CPXM2: variants seen among roughly 807,000 people sequenced by gnomAD.
The protein encoded by CPXM2 is carboxypeptidase X, M14 family member 2.
In CPXM2, 66 loss-of-function variants were observed where a neutral mutation model predicts 86.1. That is an observed-to-expected ratio of 0.77 (90% CI 0.63 to 0.94). CPXM2 has a LOEUF of 0.94. CPXM2 is among the 40% of genes least tolerant of loss of function. The pLI is 0.00. For missense variants in CPXM2, 948 were observed against 1,026.3 expected (o/e 0.92, Z 1.04); for synonymous variants, 388 against 400.2 (o/e 0.97, Z 0.36).
chr10:123,803,178 A>ACT (rs1847500690), intron 4 of CPXM2, among the ~76,000 whole-genome samples: 1 of 121,724 alleles, frequency 8.2e-6, no homozygotes, highest in Non-Finnish European at 1.6e-5. Flanking sequence ...TGTCACCCAG[A>ACT]CTGCAGCCTC....
intron 4 of CPXM2, among the ~76,000 whole-genome samples, chr10:123,831,722 G>A (rs899145608): frequency 6.6e-6 from 1 of 151,758 alleles, no homozygotes; most frequent in Admixed American, 6.6e-5. Context: ...CCCTTCTCAA[G>A]TTGCCATATC....
chr10:123,777,416 A>C (rs548670173), intron 7 of CPXM2: 1 of 152,162 alleles, frequency 6.6e-6, no homozygotes, highest in East Asian at 1.9e-4. Flanking sequence ...TCTCTCCCCA[A>C]CTCACTCCAA....
At chr10:123,794,550 G>A (rs1250279059) in intron 6 of CPXM2, among the ~76,000 whole-genome samples, 1 of 152,086 alleles carries the variant, frequency 6.6e-6, no homozygotes, top group Non-Finnish European at 1.5e-5. Context: ...CCAGTCAGCT[G>A]GCACAGTTCT....
intron 3 of CPXM2, among the ~76,000 whole-genome samples, chr10:123,849,769 C>A (rs139853754): frequency 6.6e-6 from 1 of 152,268 alleles, no homozygotes; most frequent in Admixed American, 6.5e-5. Context: ...AGTTGAGCAG[C>A]TTCTTTGTAA....
At chr10:123,936,316 A>C (rs1945720084) in intron 2 of CPXM2, among the ~76,000 whole-genome samples, 1 of 152,166 alleles carries the variant, frequency 6.6e-6, no homozygotes, top group Non-Finnish European at 1.5e-5. Flanking sequence ...ATTATGCCTT[A>C]TTGTCTCCCC....
rs78801868 is a variant in CPXM2, at chr10:123,937,379, C to T, written n.174+2098G>A. Among the ~76,000 whole-genome samples, 29 of 128,884 alleles carry T rather than the reference C, an allele frequency of 2.3e-4. No homozygotes were observed. In the East Asian group the frequency reaches 7.2e-3, roughly 32 times the overall value. The allele number at this position is 128,884 out of a possible 152,430, so 84.6% of individuals were successfully genotyped here. The stretch of plus-strand genomic sequence containing the variant: ...GCGATGCTGAAAAATCTGCCTGACA[C>T]TCTGCAACCTCAGGACCCCCCACCC... On this transcript the variant is annotated intron_variant and non_coding_transcript_variant, in intron 2 of 19. Coordinates refer to the CPXM2 transcript ENST00000368854.
chr10:123,805,064 G>A (rs1355594793), intron 4 of CPXM2, among the ~76,000 whole-genome samples: 1 of 151,942 alleles, frequency 6.6e-6, no homozygotes, highest in Non-Finnish European at 1.5e-5. Flanking sequence ...ACATCCATCT[G>A]CTTTCATTCT....
intron 2 of CPXM2, among the ~76,000 whole-genome samples, chr10:123,864,526 A>G (rs1564804211): frequency 1.3e-5 from 2 of 152,202 alleles, no homozygotes; most frequent in South Asian, 4.1e-4. Context: ...CATCTTATGA[A>G]CCTATTTCAC....
intron 7 of CPXM2, among the ~76,000 whole-genome samples, chr10:123,775,507 G>A (rs116061153): frequency 0.022 from 3,352 of 152,250 alleles, 44 homozygotes; most frequent in Non-Finnish European, 0.028. Flanking sequence ...AGAGATCACG[G>A]CCTTGACACT....
intron 4 of CPXM2, among the ~76,000 whole-genome samples, chr10:123,840,819 G>C (rs1050990990): frequency 2.0e-5 from 3 of 152,308 alleles, no homozygotes; most frequent in Admixed American, 1.3e-4. Flanking sequence ...CCTTTGCAGG[G>C]ACAATGACAG....
intron 6 of CPXM2, among the ~76,000 whole-genome samples, chr10:123,791,074 C>T (rs944787397): frequency 2.0e-5 from 3 of 152,056 alleles, no homozygotes; most frequent in Non-Finnish European, 2.9e-5. Flanking sequence ...GTCTGAGTAT[C>T]GGTTTCCTGG....
At chr10:123,931,074 C>T (rs1368318537) in intron 2 of CPXM2, among the ~76,000 whole-genome samples, 7 of 151,986 alleles carry the variant, frequency 4.6e-5, no homozygotes, top group Non-Finnish European at 1.0e-4. Flanking sequence ...ACTAATCAGG[C>T]TCCTTAGTCA....
At chr10:123,911,152 A>G (rs1185426713) in intron 2 of CPXM2, among the ~76,000 whole-genome samples, 1 of 152,150 alleles carries the variant, frequency 6.6e-6, no homozygotes, top group Non-Finnish European at 1.5e-5. Flanking sequence ...GGACTTCAAC[A>G]TATCTTTCTG....
intron 1 of CPXM2, among the ~76,000 whole-genome samples, chr10:123,884,040 G>C (rs921174837): frequency 2.0e-5 from 3 of 151,952 alleles, no homozygotes; most frequent in Non-Finnish European, 4.4e-5. Flanking sequence ...GGTTAATAGA[G>C]AACTATTTTT....
chr10:123,770,823 G>A, intron 8 of CPXM2, 93 bp downstream of exon 8: 1 of 1,354,056 alleles, frequency 7.4e-7, no homozygotes, highest in South Asian at 1.4e-5. Context: ...ATGCCCTGTG[G>A]CATGAATCTT....
At chr10:123,920,961 C>G (rs7083868) in intron 2 of CPXM2, among the ~76,000 whole-genome samples, 2 of 152,064 alleles carry the variant, frequency 1.3e-5, no homozygotes, top group African/African-American at 4.8e-5. Flanking sequence ...TTCCCAGCCT[C>G]CAGAACTCTC....
chr10:123,833,935 A>G (rs1848222284), intron 4 of CPXM2, among the ~76,000 whole-genome samples: 1 of 152,214 alleles, frequency 6.6e-6, no homozygotes, highest in African/African-American at 2.4e-5. Flanking sequence ...CACTTGCTAC[A>G]TGCCAAGGAC....
chr10:123,780,509 G>T (rs1481111700), intron 6 of CPXM2, among the ~76,000 whole-genome samples: 1 of 152,138 alleles, frequency 6.6e-6, no homozygotes, highest in Non-Finnish European at 1.5e-5. Context: ...GTATGTAAGT[G>T]GGCAAGTCAC....
intron 11 of CPXM2, among the ~76,000 whole-genome samples, chr10:123,760,103 T>C (rs1250276623): frequency 6.6e-6 from 1 of 152,204 alleles, no homozygotes; most frequent in Admixed American, 6.5e-5. Context: ...GGCTCTGCCG[T>C]GAAGTCCCAG....
Sources: allele counts gnomAD v4.1 joint callset (sites outside exome capture counted in the v4.1 genomes callset), GRCh38; gene constraint gnomAD v4.1.1; transcripts MANE v1.5; gene names NCBI Gene and HGNC (gene_info 2026-07-23, HGNC 2026-07-21).